TBX4: variants seen among roughly 807,000 people sequenced by gnomAD.
TBX4 encodes the protein T-box transcription factor TBX4.
In TBX4, 13 loss-of-function variants were observed where a neutral mutation model predicts 54.6. That is an observed-to-expected ratio of 0.24 (90% confidence interval 0.15 to 0.38). The LOEUF is 0.38. TBX4 is among the 10% of genes least tolerant of loss of function. The pLI, the probability that TBX4 is intolerant of heterozygous loss-of-function variation, is 1.00. For synonymous variants in TBX4, 314 were observed against 306.7 expected (o/e 1.02, Z -0.25); for missense variants, 631 against 728.5 (o/e 0.87, Z 1.54).
chr17:61,456,304 G>A lies in TBX4; in HGVS notation c.-3-184G>A, dbSNP rs532034179. 602 of 714,990 alleles carry A rather than the reference G, an allele frequency of 8.4e-4. 6 individuals carry two copies. In the East Asian group the frequency reaches 0.012, roughly 15 times the overall value. The allele number at this position is 714,990 out of a possible 1,614,324, so 44.3% of individuals were successfully genotyped here. On this transcript the variant is annotated intron_variant, in intron 1 of 8. Coordinates refer to ENST00000644296, the MANE Select transcript of TBX4 (RefSeq NM_001321120.2). ...ACCCTCCCAGGTCCACAGCCTGAAG[G>A]GAGGAGGCGAGGGACCTGCCTTCCT...
At chr17:61,468,537 C>T (rs980946778) in intron 5 of TBX4, among the ~76,000 whole-genome samples, 1 of 152,190 alleles carries the variant, frequency 6.6e-6, no homozygotes, top group East Asian at 1.9e-4. Flanking sequence ...CCCGCTTTTA[C>T]GTCCCAGCTC....
chr17:61,478,493 C>A lies in TBX4; in HGVS notation c.550-134C>A. The A allele has an allele frequency of 8.0e-7, 1 of 1,245,320 alleles. No homozygotes were observed. 77.1% of individuals were successfully genotyped at this position (1,245,320 alleles called of 1,614,324 possible). Reference sequence around the variant, plus strand: ...TGGTTCTTCACTTGGGAGCTCCAGTCCTGGTCGGTAGGCCCCGGATCCTGG... The same window carrying A: ...TGGTTCTTCACTTGGGAGCTCCAGTACTGGTCGGTAGGCCCCGGATCCTGG... On this transcript the variant is annotated intron_variant, in intron 5 of 8. Coordinates refer to ENST00000644296, the MANE Select transcript of TBX4 (RefSeq NM_001321120.2). This position sits in a 1 kb window ranked among gnomAD's most constrained non-coding sequence, Gnocchi z 7.4.
intron 1 of TBX4, among the ~76,000 whole-genome samples, chr17:61,456,212 C>G (rs1266881696): frequency 6.6e-6 from 1 of 152,190 alleles, no homozygotes; most frequent in Non-Finnish European, 1.5e-5. Context: ...AGAGGGCGGT[C>G]CCTCCCCTAG....
chr17:61,464,831 C>T lies in TBX4; in HGVS notation c.282-988C>T, dbSNP rs1289196121. Among the ~76,000 whole-genome samples the T allele has an allele frequency of 1.3e-5, 2 of 152,096 alleles. No individual in the cohort carries two copies. The highest frequency in any genetic ancestry group is 2.9e-5 in the Non-Finnish European group (2 of 68,006). ...CGGAAGCCCCCTCTAGAATGTGCCTCGAACCTCAGGGCCCTTGACAGCCTC... is the reference window on the plus strand; with the variant it reads ...CGGAAGCCCCCTCTAGAATGTGCCTTGAACCTCAGGGCCCTTGACAGCCTC... On this transcript the variant is annotated intron_variant, in intron 3 of 8. Transcript: ENST00000644296. The surrounding 1 kb of genome is among the most constrained non-coding windows in gnomAD (Gnocchi z 5.8).
Position 61,467,628 on chromosome 17 carries a change from A to G in TBX4, c.520A>G (p.Thr174Ala). ...GGTCTCCTTCCAGAAGCTGAAGCTG[A>G]CAAACAACCACCTGGACCCCTTTGG... Reference protein sequence around the residue: ...QLVSFQKLKLTNNHLDPFGHI... With the variant: ...QLVSFQKLKLANNHLDPFGHI... Residue 174 changes from threonine (T) to alanine (A), a missense_variant, in exon 5 of 9, where the codon ACA (threonine) becomes GCA (alanine). Thr to Ala is a moderately conservative substitution (Grantham distance 58). Transcript: ENST00000644296. 6.2e-7 allele frequency: 1 copy of G among 1,614,202 alleles called. No individual in the cohort carries two copies. The highest frequency in any genetic ancestry group is 8.5e-7 in the Non-Finnish European group (1 of 1,180,044).
chr17:61,453,999 A>G (rs2060430504), intron 1 of TBX4, among the ~76,000 whole-genome samples: 1 of 152,354 alleles, frequency 6.6e-6, no homozygotes, highest in Middle Eastern at 3.4e-3. Flanking sequence ...AACGTGACCT[A>G]TTGTTCACTA....
Position 61,457,558 on chromosome 17 carries a change from G to A in TBX4, c.208G>A (p.Gly70Arg), listed in dbSNP as rs753701583. ...AEQTIENIKV[G>R]LHEKELWKKF... ...CCAGACCATCGAGAACATCAAGGTG[G>A]GGCTGCATGAGAAGGAGCTCTGGAA... Residue 70 changes from glycine to arginine, a missense_variant, in exon 3 of 9, where the codon GGG becomes AGG. Gly to Arg is a moderately radical substitution (Grantham distance 125, BLOSUM62 -2). Transcript: ENST00000644296. This position sits in a 1 kb window ranked among gnomAD's most constrained non-coding sequence, Gnocchi z 8.2. 6.2e-7 allele frequency: 1 copy of A among 1,613,986 alleles called. No homozygotes were observed. The highest frequency in any genetic ancestry group is 8.5e-7 in the Non-Finnish European group (1 of 1,180,002).
In TBX4 at chr17:61,479,629, C is replaced by T. The variant is rs1722499487; in HGVS notation, c.703-252C>T. 6.6e-6 allele frequency among the ~76,000 whole-genome samples: 1 copy of T among 152,032 alleles called. No homozygotes were observed. The highest frequency in any genetic ancestry group is 1.5e-5 in the Non-Finnish European group (1 of 67,964). ...AAGGAGTAGGGAGCCAGGGACAAAC[C>T]AGGTGTGAATGGCAAGGCCCACTTC... On this transcript the variant is annotated intron_variant, in intron 6 of 8. Transcript: ENST00000644296. The surrounding 1 kb of genome is among the most constrained non-coding windows in gnomAD (Gnocchi z 6.1).
Position 61,482,888 on chromosome 17 carries a change from G to A in TBX4, c.1022-9G>A. On this transcript the variant is annotated splice_polypyrimidine_tract_variant and intron_variant, in intron 8 of 8. Transcript: ENST00000644296. ...AATGGTTCTTCCTGAATGTTACTTT[G>A]TCTTTCAGCAGACGGTACCCGCCAC... 1 of 1,613,084 alleles carries A rather than the reference G, an allele frequency of 6.2e-7. No individual in the cohort carries two copies. Among genetic ancestry groups the A allele is most frequent in the Admixed American group, 1.7e-5 (1 of 59,994 alleles).
chr17:61,457,514 G>A lies in TBX4; in HGVS notation c.187-23G>A, dbSNP rs748638616. The stretch of plus-strand genomic sequence containing the variant: ...GGAGCCCTGGGCCTGGCAGACACAA[G>A]TTTCTCTCCCTCCCATCCCCAGACC... On this transcript the variant is annotated intron_variant, in intron 2 of 8. Coordinates refer to ENST00000644296, the MANE Select transcript of TBX4 (RefSeq NM_001321120.2). This position sits in a 1 kb window ranked among gnomAD's most constrained non-coding sequence, Gnocchi z 8.2. 6.2e-7 allele frequency: 1 copy of A among 1,610,784 alleles called. No homozygotes were observed. The highest frequency in any genetic ancestry group is 2.2e-5 in the East Asian group (1 of 44,848).
In TBX4 at chr17:61,457,748, C is replaced by T. The variant is rs1429191491; in HGVS notation, c.281+117C>T. 6.2e-6 allele frequency: 6 copies of T among 969,360 alleles called. No individual in the cohort carries two copies. The highest frequency in any genetic ancestry group is 9.4e-6 in the Non-Finnish European group (6 of 636,012). The allele number at this position is 969,360 out of a possible 1,614,324, so 60.0% of individuals were successfully genotyped here. ...TGGCCTGTGGGAGGCCTCTCTGCCT[C>T]CTCGGGCGTCAGTGCCACCTCCCTT... is the stretch of plus-strand genomic sequence containing the variant. On this transcript the variant is annotated intron_variant, in intron 3 of 8. Coordinates refer to ENST00000644296, the MANE Select transcript of TBX4 (RefSeq NM_001321120.2). The surrounding 1 kb of genome is among the most constrained non-coding windows in gnomAD (Gnocchi z 8.2).
chr17:61,455,012 G>A (rs1569030787), intron 1 of TBX4, among the ~76,000 whole-genome samples: 1 of 152,186 alleles, frequency 6.6e-6, no homozygotes, highest in African/African-American at 2.4e-5. Context: ...CTAGGTTTCC[G>A]AGGCTCGGCC....
Position 61,483,356 on chromosome 17 carries a change from G to A in TBX4, c.1481G>A (p.Arg494Lys). The A allele has an allele frequency of 1.2e-6, 2 of 1,608,778 alleles. No individual in the cohort carries two copies. The highest frequency in any genetic ancestry group is 1.7e-6 in the Non-Finnish European group (2 of 1,176,170). ...CGGGGGCCCAGCGCCTCATTCCCAA[G>A]AGAGCGCGGCCTCCCCCAAGGGTGT... ...RERGPSASFP[R>K]ERGLPQGCER... Residue 494 changes from arginine (R) to lysine (K), a missense_variant, in exon 9 of 9, where the codon AGA becomes AAA. By Grantham distance (26) the Arg-to-Lys change is conservative. Transcript: ENST00000644296. The surrounding 1 kb of genome is among the most constrained non-coding windows in gnomAD (Gnocchi z 6.6).
At chr17:61,463,935 C>T (rs974494369) in intron 3 of TBX4, among the ~76,000 whole-genome samples, 3 of 152,224 alleles carry the variant, frequency 2.0e-5, no homozygotes, top group African/African-American at 2.4e-5. Flanking sequence ...GAGGCAGGGC[C>T]GGGAAAGGGT....
chr17:61,459,696 G>GAATT lies in TBX4; in HGVS notation c.281+2066_281+2067insATTA, dbSNP rs1477408291. On this transcript the variant is annotated intron_variant, in intron 3 of 8. Coordinates refer to ENST00000644296, the MANE Select transcript of TBX4 (RefSeq NM_001321120.2). The surrounding 1 kb of genome is among the most constrained non-coding windows in gnomAD (Gnocchi z 4.8). ...TGCTTGATCCTAGTTGAGGCTTAGA[G>GAATT]ATGGACCTTAGGGAATTATGATAAT... 6.6e-6 allele frequency among the ~76,000 whole-genome samples: 1 copy of GAATT among 152,198 alleles called. No homozygotes were observed. The highest frequency in any genetic ancestry group is 1.9e-4 in the East Asian group (1 of 5,194).
intron 3 of TBX4, among the ~76,000 whole-genome samples, chr17:61,463,919 A>G (rs2060516278): frequency 6.6e-6 from 1 of 152,152 alleles, no homozygotes; most frequent in Non-Finnish European, 1.5e-5. Context: ...TTGGCCCACC[A>G]GGAGAGAGGC....
intron 4 of TBX4, among the ~76,000 whole-genome samples, chr17:61,467,308 A>C (rs1244693170): frequency 6.6e-6 from 1 of 152,162 alleles, no homozygotes; most frequent in Non-Finnish European, 1.5e-5. Context: ...AAAATAAAGG[A>C]GATTCAGAAC....
chr17:61,478,937 G>T lies in TBX4; in HGVS notation c.702+158G>T. ...AGCCTAGAGTCCCTCGGAGCCGCGA[G>T]CAAATCGAATGATGAACAGAAAAGG... On this transcript the variant is annotated intron_variant, in intron 6 of 8. Coordinates refer to ENST00000644296, the MANE Select transcript of TBX4 (RefSeq NM_001321120.2). This position sits in a 1 kb window ranked among gnomAD's most constrained non-coding sequence, Gnocchi z 7.4. 1 of 1,099,904 alleles carries T rather than the reference G, an allele frequency of 9.1e-7. No homozygotes were observed. 68.1% of individuals were successfully genotyped at this position (1,099,904 alleles called of 1,614,324 possible). A position where few individuals can be genotyped will look rare whatever the true frequency, so the allele number is the denominator to read the frequency against.
chr17:61,466,036 G>A (rs1275206746), intron 4 of TBX4, 98 bp downstream of exon 4: 34 of 1,578,848 alleles, frequency 2.2e-5, no homozygotes, highest in Non-Finnish European at 2.9e-5. Context: ...AGCTACCTGA[G>A]TGACTGCCCA....
Sources: allele counts gnomAD v4.1 joint callset (sites outside exome capture counted in the v4.1 genomes callset), GRCh38; gene constraint gnomAD v4.1.1; non-coding constraint Gnocchi (gnomAD v3.1); transcripts MANE v1.5; gene names NCBI Gene and HGNC (gene_info 2026-07-23, HGNC 2026-07-21).